MPP7: variants seen among roughly 807,000 people sequenced by gnomAD.
The protein encoded by MPP7 is MAGUK p55 scaffold protein 7, also known as MAGUK p55 subfamily member 7.
MPP7 carries 60 observed loss-of-function variants against 76.5 expected under a neutral mutation model. The ratio of observed to expected loss-of-function variants is 0.78; its 90% CI spans 0.64 to 0.97. The LOEUF is 0.97. MPP7 is among the 50% of genes least tolerant of loss of function. The probability of loss-of-function intolerance (pLI) is 0.00; values close to 1 mark genes in which losing one functional copy is unlikely to be tolerated. For missense variants in MPP7, 641 were observed against 694.0 expected, an observed-to-expected ratio of 0.92 and a Z score of 0.86; for synonymous variants, 237 against 244.5, an observed-to-expected ratio of 0.97 and a Z score of 0.29.
intron 11 of MPP7, among the ~76,000 whole-genome samples, chr10:28,109,636 C>A (rs916329130): frequency 6.6e-6 from 1 of 151,704 alleles, no homozygotes; most frequent in Non-Finnish European, 1.5e-5. Context: ...TCAGAGCATG[C>A]GAGTGCAAAT....
intron 1 of MPP7, among the ~76,000 whole-genome samples, chr10:28,293,443 G>T (rs1287265653): frequency 6.6e-6 from 1 of 152,236 alleles, no homozygotes; most frequent in African/African-American, 2.4e-5. Flanking sequence ...AGAATGCAGG[G>T]AGCAACAGCT....
At position 28,319,970 on chromosome 10, in the gene MPP7, AT is replaced by A. The variant is rs1175057121; in HGVS notation, c.-132+9958del. ...GACTCTCTCTCAAAAACAAAAAAAA[AT>A]ACATATTTTATTCACCCAAATTATT... is the stretch of plus-strand genomic sequence containing the variant. On this transcript the variant is annotated intron_variant, in intron 2 of 11. Transcript: ENST00000441595. 6.7e-5 allele frequency among the ~76,000 whole-genome samples: 10 copies of A among 150,118 alleles called. No homozygotes were observed. The East Asian group carries it at 1.9e-3, about 29-fold the overall frequency.
chr10:28,242,628 A>G (rs1477803189), intron 1 of MPP7, among the ~76,000 whole-genome samples: 2 of 152,352 alleles, frequency 1.3e-5, no homozygotes, highest in African/African-American at 2.4e-5. Flanking sequence ...ATGAAGTCAA[A>G]CTATTTTCAT....
chr10:28,230,551 C>G (rs550447826), intron 2 of MPP7, among the ~76,000 whole-genome samples: 1 of 152,100 alleles, frequency 6.6e-6, no homozygotes, highest in Non-Finnish European at 1.5e-5. Flanking sequence ...CAGTGGCTCA[C>G]GCCTGTAATC....
rs755938850 is a variant in MPP7, at chr10:28,211,458, T to TAG, written c.38-9188_38-9187insCT. Among the ~76,000 whole-genome samples the TAG allele has an allele frequency of 5.5e-3, 744 of 134,872 alleles. 5 individuals carry two copies. Among genetic ancestry groups the TAG allele is most frequent in the African/African-American group, 0.016 (568 of 34,578 alleles). The allele number at this position is 134,872 out of a possible 152,430, so 88.5% of individuals were successfully genotyped here. A position where few individuals can be genotyped will look rare whatever the true frequency, so the allele number is the denominator to read the frequency against. On this transcript the variant is annotated intron_variant, in intron 2 of 16. Coordinates refer to ENST00000683449, the MANE Select transcript of MPP7 (RefSeq NM_001318170.2). ...ATATTTTTTGCCATATATATATATATATATAGAGAGAGAGAGAGAATTACT... is the reference window on the plus strand; with the variant it reads ...ATATTTTTTGCCATATATATATATATAGATATAGAGAGAGAGAGAGAATTACT...
At chr10:28,204,303 T>C (rs1319385797) in intron 2 of MPP7, among the ~76,000 whole-genome samples, 2 of 151,806 alleles carry the variant, frequency 1.3e-5, no homozygotes, top group African/African-American at 4.8e-5. Flanking sequence ...ATTAGCCCAG[T>C]GTGGTGGCAC....
chr10:28,155,775 A>AC (rs1408683012), intron 3 of MPP7, among the ~76,000 whole-genome samples: 38 of 151,712 alleles, frequency 2.5e-4, no homozygotes, highest in African/African-American at 8.7e-4. Context: ...ACTTAAAAAA[A>AC]AAAAACAAAA....
chr10:28,233,505 G>A (rs1234449104), intron 2 of MPP7, among the ~76,000 whole-genome samples: 3 of 150,054 alleles, frequency 2.0e-5, no homozygotes, highest in African/African-American at 4.9e-5. Flanking sequence ...CCAGGAGACC[G>A]AGACCATCCT....
chr10:28,188,451 A>G (rs1564688086), intron 3 of MPP7, among the ~76,000 whole-genome samples: 1 of 152,134 alleles, frequency 6.6e-6, no homozygotes, highest in Non-Finnish European at 1.5e-5. Context: ...AAGTCGCATG[A>G]TATGTACTCC....
chr10:28,299,928 G>A lies in MPP7; in HGVS notation c.-132+2933C>T, dbSNP rs539947160. ...ATTACAGGCGCCCACCACCACGCCC[G>A]GCTAATTTTTTCTATTTTTTAGTAG... On this transcript the variant is annotated intron_variant, in intron 1 of 16. Transcript: ENST00000683449. Among the ~76,000 whole-genome samples, 344 of 151,910 alleles carry A rather than the reference G, an allele frequency of 2.3e-3. 2 individuals are homozygous for A. Among genetic ancestry groups the A allele is most frequent in the Non-Finnish European group, 1.4e-3 (94 of 67,966 alleles).
chr10:28,185,784 A>G (rs1837216320), intron 3 of MPP7, among the ~76,000 whole-genome samples: 1 of 152,182 alleles, frequency 6.6e-6, no homozygotes, highest in African/African-American at 2.4e-5. Flanking sequence ...CTCTAGAAAT[A>G]TAATTAAATG....
chr10:28,141,332 G>A (rs527439010), intron 5 of MPP7, among the ~76,000 whole-genome samples: 1 of 151,962 alleles, frequency 6.6e-6, no homozygotes, highest in East Asian at 1.9e-4. Flanking sequence ...AGCATATCCT[G>A]TTTTTACTAC....
At chr10:28,299,766 C>CTTTTTTTTTTTTT (rs59047415) in intron 1 of MPP7, among the ~76,000 whole-genome samples, 1 of 132,734 alleles carries the variant, frequency 7.5e-6, no homozygotes, top group African/African-American at 2.8e-5. Flanking sequence ...AAATTCAAGA[C>CTTTTTTTTTTTTT]TTTTTTTTTT....
intron 2 of MPP7, among the ~76,000 whole-genome samples, chr10:28,319,426 C>T (rs957160476): frequency 3.9e-5 from 6 of 152,078 alleles, no homozygotes; most frequent in Non-Finnish European, 7.4e-5. Context: ...TCTGTAATCC[C>T]AGCACTTTGG....
chr10:28,066,890 T>C (rs1852010699), intron 13 of MPP7, among the ~76,000 whole-genome samples: 1 of 152,268 alleles, frequency 6.6e-6, no homozygotes, highest in Non-Finnish European at 1.5e-5. Flanking sequence ...TGTATGCATA[T>C]ACTATACTTT....
chr10:28,090,638 C>CA (rs1172804344), intron 11 of MPP7, among the ~76,000 whole-genome samples: 1 of 152,172 alleles, frequency 6.6e-6, no homozygotes, highest in African/African-American at 2.4e-5. Flanking sequence ...TATTGTTAAA[C>CA]AAAAAGAAAA....
At chr10:28,054,537 G>A (rs1183141522) in intron 16 of MPP7, among the ~76,000 whole-genome samples, 1 of 152,146 alleles carries the variant, frequency 6.6e-6, no homozygotes, top group Non-Finnish European at 1.5e-5. Flanking sequence ...GGAAATGTCA[G>A]TATTAAAATA....
chr10:28,314,841 A>G (rs1210232971), intron 2 of MPP7, among the ~76,000 whole-genome samples: 1 of 152,114 alleles, frequency 6.6e-6, no homozygotes, highest in Non-Finnish European at 1.5e-5. Context: ...AGTTCAACTC[A>G]CAAGTTTCTA....
chr10:28,092,577 CT>C (rs397969009), intron 11 of MPP7, among the ~76,000 whole-genome samples: 1,565 of 120,872 alleles, frequency 0.013, 36 homozygotes, highest in Non-Finnish European at 0.016. Flanking sequence ...GAAAAGGGAC[CT>C]TTTTTTTTTT....
Sources: gnomAD v4.1 joint callset for allele counts (sites outside exome capture counted in the v4.1 genomes callset) on GRCh38, gnomAD v4.1.1 for gene constraint, MANE v1.5 for transcripts, NCBI Gene and HGNC (gene_info 2026-07-23, HGNC 2026-07-21) for gene names.